Variants in CHRM3 observed in about 807,000 individuals in gnomAD.
CHRM3 encodes cholinergic receptor muscarinic 3, also known as muscarinic acetylcholine receptor M3.
Under a neutral mutation model 41.8 loss-of-function variants are expected in CHRM3, and 11 were observed. The ratio of observed to expected loss-of-function variants is 0.26; its 90% CI spans 0.17 to 0.44. The LOEUF is 0.44. CHRM3 is among the 20% of genes least tolerant of loss of function. The probability of loss-of-function intolerance (pLI) is 1.00; values close to 1 mark genes in which losing one functional copy is unlikely to be tolerated. For missense variants in CHRM3, 571 were observed against 745.4 expected (o/e 0.77, Z 2.72); for synonymous variants, 297 against 301.4 (o/e 0.99, Z 0.15).
At chr1:239,617,470 A>G (rs970756193) in intron 3 of CHRM3, among the ~76,000 whole-genome samples, 2 of 152,126 alleles carry the variant, frequency 1.3e-5, no homozygotes, top group Non-Finnish European at 2.9e-5. Context: ...CACACCTACA[A>G]TCCCAACACT....
chr1:239,668,379 G>A (rs6685723), intron 4 of CHRM3, among the ~76,000 whole-genome samples: 75,094 of 151,636 alleles, frequency 0.5, 19,442 homozygotes, highest in East Asian at 0.72. Context: ...GTGAGCCACC[G>A]TGTCTGGCCC....
At chr1:239,497,511 A>AGATCATAC (rs1667961782) in intron 2 of CHRM3, among the ~76,000 whole-genome samples, 3 of 152,220 alleles carry the variant, frequency 2.0e-5, no homozygotes, top group African/African-American at 7.2e-5. Context: ...AAGTAGAAGT[A>AGATCATAC]GATCATACTA....
intron 1 of CHRM3, among the ~76,000 whole-genome samples, chr1:239,477,400 C>G (rs1193050392): frequency 6.6e-6 from 1 of 152,128 alleles, no homozygotes; most frequent in Non-Finnish European, 1.5e-5. Context: ...CGAGAAAAGT[C>G]TTCTTGGTTT....
At chr1:239,600,274 C>T (rs1253958222) in intron 3 of CHRM3, among the ~76,000 whole-genome samples, 1 of 151,992 alleles carries the variant, frequency 6.6e-6, no homozygotes, top group Non-Finnish European at 1.5e-5. Context: ...CTTGGGGGGC[C>T]ATCCCAATGC....
chr1:239,745,061 AAG>A (rs1665228847), intron 5 of CHRM3, among the ~76,000 whole-genome samples: 1 of 152,106 alleles, frequency 6.6e-6, no homozygotes, highest in Non-Finnish European at 1.5e-5. Context: ...AGAGGCAAGA[AAG>A]GGAGTGGGAG....
At chr1:239,447,755 GAA>G (rs1383154658) in intron 1 of CHRM3, among the ~76,000 whole-genome samples, 1 of 151,982 alleles carries the variant, frequency 6.6e-6, no homozygotes, top group Non-Finnish European at 1.5e-5. Flanking sequence ...CAGCCTGGGC[GAA>G]AAGAGCGAAA....
intron 6 of CHRM3, among the ~76,000 whole-genome samples, chr1:239,865,047 T>C (rs1042300454): frequency 5.9e-5 from 9 of 152,194 alleles, no homozygotes; most frequent in African/African-American, 2.2e-4. Flanking sequence ...CCTCGCGGCA[T>C]TGTATGTAAT....
chr1:239,555,183 A>G (rs1444436817), intron 3 of CHRM3, among the ~76,000 whole-genome samples: 1 of 152,090 alleles, frequency 6.6e-6, no homozygotes, highest in South Asian at 2.1e-4. Context: ...AAATGTGAGC[A>G]CTCTGAGACC....
chr1:239,840,906 C>T (rs1673744212), intron 6 of CHRM3, among the ~76,000 whole-genome samples: 1 of 152,154 alleles, frequency 6.6e-6, no homozygotes, highest in Non-Finnish European at 1.5e-5. Context: ...ATTGCCAGCA[C>T]TCTGGCATGT....
chr1:239,666,312 A>G (rs550722005), intron 4 of CHRM3, among the ~76,000 whole-genome samples: 1 of 151,590 alleles, frequency 6.6e-6, no homozygotes, highest in African/African-American at 2.4e-5. Flanking sequence ...CTCCTGACTC[A>G]GCCTCCTGAA....
At chr1:239,890,884 A>T (rs1678498587) in intron 6 of CHRM3, among the ~76,000 whole-genome samples, 1 of 152,202 alleles carries the variant, frequency 6.6e-6, no homozygotes, top group Non-Finnish European at 1.5e-5. Flanking sequence ...TGTTTGATGC[A>T]TGTTATCATC....
At chr1:239,530,192 C>A (rs1044941524) in intron 2 of CHRM3, among the ~76,000 whole-genome samples, 1 of 152,092 alleles carries the variant, frequency 6.6e-6, no homozygotes, top group Non-Finnish European at 1.5e-5. Context: ...CGTGAGCCAC[C>A]GTGCCCGGCC....
chr1:239,494,154 C>CT (rs1045890467), intron 2 of CHRM3, among the ~76,000 whole-genome samples: 12 of 152,256 alleles, frequency 7.9e-5, no homozygotes, highest in African/African-American at 2.6e-4. Flanking sequence ...GTGGCAACTT[C>CT]TGGGTCATGG....
intron 1 of CHRM3, among the ~76,000 whole-genome samples, chr1:239,453,095 C>T (rs1476564173): frequency 3.3e-5 from 5 of 152,190 alleles, no homozygotes; most frequent in African/African-American, 1.2e-4. Context: ...CCACCGCGCC[C>T]GGCCCAGGCT....
chr1:239,830,238 T>G (rs1363676896), intron 6 of CHRM3, among the ~76,000 whole-genome samples: 1 of 152,232 alleles, frequency 6.6e-6, no homozygotes, highest in African/African-American at 2.4e-5. Context: ...TTGAGGTTGC[T>G]GTTAGGACTA....
chr1:239,659,050 T>G (rs1349238004), intron 4 of CHRM3, among the ~76,000 whole-genome samples: 1 of 152,152 alleles, frequency 6.6e-6, no homozygotes, highest in African/African-American at 2.4e-5. Context: ...GTTTGATTTT[T>G]AATAAATCCA....
chr1:239,549,437 G>A (rs1301711616), intron 3 of CHRM3, among the ~76,000 whole-genome samples: 2 of 150,244 alleles, frequency 1.3e-5, no homozygotes, highest in African/African-American at 4.9e-5. Flanking sequence ...ATCACTTGAG[G>A]TCAGAAGTTT....
At chr1:239,403,493 C>A (rs906291628) in intron 1 of CHRM3, among the ~76,000 whole-genome samples, 3 of 152,182 alleles carry the variant, frequency 2.0e-5, no homozygotes, top group Non-Finnish European at 4.4e-5. Context: ...ACTAGAATTT[C>A]TCTGACTGAG....
intron 6 of CHRM3, among the ~76,000 whole-genome samples, chr1:239,855,408 A>G (rs1371910357): frequency 6.6e-6 from 1 of 152,170 alleles, no homozygotes; most frequent in African/African-American, 2.4e-5. Context: ...ATGAATTGCA[A>G]TTTCCAAATC....
Sources: allele counts gnomAD v4.1 joint callset (sites outside exome capture counted in the v4.1 genomes callset), GRCh38; gene constraint gnomAD v4.1.1; transcripts MANE v1.5; gene names NCBI Gene and HGNC (gene_info 2026-07-23, HGNC 2026-07-21).